The following DENND1A variants were observed in gnomAD, a reference collection of about 807,000 sequenced individuals.
DENND1A encodes DENN domain containing 1A.
A neutral mutation model predicts 113.7 loss-of-function variants in DENND1A; 51 were observed. The observed-to-expected ratio is 0.45, with a 90% CI of 0.36 to 0.57. The LOEUF (loss-of-function observed/expected upper bound fraction) is 0.57. DENND1A is among the 20% of genes least tolerant of loss of function. The pLI is 0.00. For missense variants in DENND1A, 1,258 were observed against 1,395.9 expected (o/e 0.90, Z 1.57); for synonymous variants, 565 against 570.8 (o/e 0.99, Z 0.14).
intron 13 of DENND1A, among the ~76,000 whole-genome samples, chr9:123,504,691 G>A (rs1215278234): frequency 1.3e-5 from 2 of 152,286 alleles, no homozygotes; most frequent in Middle Eastern, 3.4e-3. Context: ...TTTTAAAGAC[G>A]AAGAAACTGA....
At chr9:123,821,105 T>C (rs1415214456) in intron 2 of DENND1A, among the ~76,000 whole-genome samples, 1 of 152,246 alleles carries the variant, frequency 6.6e-6, no homozygotes, top group Non-Finnish European at 1.5e-5. Flanking sequence ...GACAACTTTA[T>C]CAAATTCTTC....
intron 1 of DENND1A, among the ~76,000 whole-genome samples, chr9:123,919,884 A>C (rs911149311): frequency 9.6e-6 from 1 of 103,712 alleles, no homozygotes; most frequent in Non-Finnish European, 1.8e-5. Context: ...TCTGTCTCAG[A>C]AAAAAAAAAA....
chr9:123,384,285 C>G (rs991745613), intron 22 of DENND1A, among the ~76,000 whole-genome samples: 1 of 152,264 alleles, frequency 6.6e-6, no homozygotes, highest in African/African-American at 2.4e-5. Flanking sequence ...AGTCATGCTC[C>G]TCTTGCTCCC....
At chr9:123,711,528 T>C (rs111227175) in intron 5 of DENND1A, among the ~76,000 whole-genome samples, 13 of 144,530 alleles carry the variant, frequency 9.0e-5, no homozygotes, top group South Asian at 2.1e-4. Context: ...TATATATATA[T>C]ATATATATAT....
rs200676734 is a variant in DENND1A at position 123,430,000 on chromosome 9, G to GA, written c.1488+10359dup. Among the ~76,000 whole-genome samples, 396 of 151,020 alleles carry GA rather than the reference G, an allele frequency of 2.6e-3. 2 individuals carry two copies. Among genetic ancestry groups the GA allele is most frequent in the Middle Eastern group, 0.017 (5 of 294 alleles). On this transcript the variant is annotated intron_variant, in intron 19 of 23. Coordinates refer to ENST00000394215, the MANE Select transcript of DENND1A (RefSeq NM_001352964.2). ...ACAAGGGACTTGAACAAATTTACAA[G>GA]AAAAAAAAATTCCATTAAAAAGTGA...
intron 1 of DENND1A, among the ~76,000 whole-genome samples, chr9:123,905,203 G>T (rs1232887056): frequency 2.6e-5 from 4 of 151,910 alleles, no homozygotes; most frequent in Non-Finnish European, 5.9e-5. Context: ...AGCTCCTGAA[G>T]GAAGTGCTAA....
intron 1 of DENND1A, among the ~76,000 whole-genome samples, chr9:123,904,330 C>T (rs1486787515): frequency 2.0e-3 from 306 of 151,198 alleles, no homozygotes; most frequent in African/African-American, 6.9e-3. Flanking sequence ...TCCAAAGGAA[C>T]GCAGTTCCTC....
intron 5 of DENND1A, among the ~76,000 whole-genome samples, chr9:123,701,984 C>A (rs779656484): frequency 6.6e-6 from 1 of 152,070 alleles, no homozygotes; most frequent in African/African-American, 2.4e-5. Flanking sequence ...CATAAAGAGA[C>A]AAAGATGTAT....
chr9:123,663,531 A>G lies in DENND1A; in HGVS notation c.507+3495T>C, dbSNP rs1046393730. Among the ~76,000 whole-genome samples the G allele has an allele frequency of 8.5e-5, 13 of 152,132 alleles. 1 individual carries two copies. The highest frequency in any genetic ancestry group is 7.9e-4 in the Admixed American group (12 of 15,274). ...TCAATTCTTATAAATGTCCCATGGCATTTTAAAATAATCCTTCAGTAGCCT... is the reference window on the plus strand; with the variant it reads ...TCAATTCTTATAAATGTCCCATGGCGTTTTAAAATAATCCTTCAGTAGCCT... On this transcript the variant is annotated intron_variant, in intron 8 of 23. Coordinates refer to ENST00000394215, the MANE Select transcript of DENND1A (RefSeq NM_001352964.2).
intron 12 of DENND1A, among the ~76,000 whole-genome samples, chr9:123,573,964 G>GA (rs1247945533): frequency 6.6e-6 from 1 of 150,418 alleles, no homozygotes; most frequent in Non-Finnish European, 1.5e-5. Context: ...GAATATTGCC[G>GA]AATTTTTCCT....
At chr9:123,720,384 G>A (rs771170488) in intron 5 of DENND1A, among the ~76,000 whole-genome samples, 7 of 152,146 alleles carry the variant, frequency 4.6e-5, no homozygotes, top group Admixed American at 1.3e-4. Context: ...CAAAAGGGGG[G>A]CCCCAAATGA....
intron 12 of DENND1A, among the ~76,000 whole-genome samples, chr9:123,558,437 C>T (rs541807020): frequency 6.6e-6 from 1 of 152,204 alleles, no homozygotes; most frequent in African/African-American, 2.4e-5. Context: ...ACAAAAAACT[C>T]GGAAGTGATG....
chr9:123,400,324 A>C (rs1266271621), intron 21 of DENND1A: 1 of 152,254 alleles, frequency 6.6e-6, no homozygotes, highest in African/African-American at 2.4e-5. Flanking sequence ...ACTCCCTTTT[A>C]AGGCCTCCTT....
At chr9:123,800,834 A>C (rs998945608) in intron 2 of DENND1A, among the ~76,000 whole-genome samples, 1 of 152,124 alleles carries the variant, frequency 6.6e-6, no homozygotes, top group African/African-American at 2.4e-5. Context: ...AGTTATCCTT[A>C]TCTCATCTAT....
Position 123,728,502 on chromosome 9 carries a change from A to AC in DENND1A, c.302+29200_302+29201insG, listed in dbSNP as rs1374662266. ...CCCAAAAAAAAAAAAAAAAAAAAAA[A>AC]AAAAAAAACAGGCATCAGTCATCTT... On this transcript the variant is annotated intron_variant, in intron 5 of 23. Transcript: ENST00000394215. 3.1e-3 allele frequency among the ~76,000 whole-genome samples: 463 copies of AC among 148,300 alleles called. 4 individuals carry two copies. The highest frequency in any genetic ancestry group is 0.011 in the African/African-American group (455 of 39,788).
chr9:123,604,769 G>T (rs2060078904), intron 11 of DENND1A, among the ~76,000 whole-genome samples: 1 of 152,148 alleles, frequency 6.6e-6, no homozygotes, highest in South Asian at 2.1e-4. Context: ...AACCAATTGT[G>T]TTGAAACTGT....
intron 13 of DENND1A, among the ~76,000 whole-genome samples, chr9:123,502,576 A>G (rs2134272761): frequency 6.6e-6 from 1 of 152,196 alleles, no homozygotes; most frequent in South Asian, 2.1e-4. Context: ...TATAGTCTGG[A>G]TGTTAATCCC....
At chr9:123,731,682 C>A (rs184835014) in intron 5 of DENND1A, among the ~76,000 whole-genome samples, 9 of 152,208 alleles carry the variant, frequency 5.9e-5, no homozygotes, top group African/African-American at 2.2e-4. Context: ...CTAGATATGA[C>A]ACCAAAAACA....
chr9:123,647,920 TCCA>T (rs1344757624), intron 9 of DENND1A, among the ~76,000 whole-genome samples: 6 of 152,174 alleles, frequency 3.9e-5, no homozygotes, highest in Non-Finnish European at 8.8e-5. Context: ...CCCACAAAAT[TCCA>T]CCTAGGAGTA....
Sources: gnomAD v4.1 joint callset for allele counts (sites outside exome capture counted in the v4.1 genomes callset) on GRCh38, gnomAD v4.1.1 for gene constraint, MANE v1.5 for transcripts, NCBI Gene and HGNC (gene_info 2026-07-23, HGNC 2026-07-21) for gene names.